FOXP1: variants seen among roughly 807,000 people sequenced by gnomAD.
FOXP1 encodes forkhead box protein P1.
A neutral mutation model predicts 98.2 loss-of-function variants in FOXP1; 15 were observed. The ratio of observed to expected loss-of-function variants is 0.15; its 90% CI spans 0.10 to 0.24. The LOEUF is 0.24. Ranked by LOEUF, FOXP1 falls within the 10% of genes least tolerant of loss-of-function variation. FOXP1 has a pLI of 1.00. For missense variants in FOXP1, 633 were observed against 848.5 expected (o/e 0.75, Z 3.15); for synonymous variants, 371 against 314.5 (o/e 1.18, Z -1.90).
chr3:70,970,030 T>C (rs190402686), intron 19 of FOXP1: 22 of 152,560 alleles, frequency 1.4e-4, no homozygotes, highest in Admixed American at 1.2e-3. Flanking sequence ...TGCTAGAAGC[T>C]GGGCTGCCTC....
intron 11 of FOXP1, among the ~76,000 whole-genome samples, chr3:71,033,362 TA>T (rs2047128252): frequency 6.6e-6 from 1 of 152,006 alleles, no homozygotes; most frequent in Admixed American, 6.6e-5. Flanking sequence ...AACATCCTAA[TA>T]AAAAAATTCA....
chr3:71,476,369 C>T lies in FOXP1; in HGVS notation c.-168+17057G>A, dbSNP rs1201724646. On this transcript the variant is annotated intron_variant, in intron 3 of 20. Transcript: ENST00000649528. ...CTAGTCTGAGCCATAATTTGGTTAA[C>T]TATTTTCCTTCTGTTGGATATTTCT... Among the ~76,000 whole-genome samples, 3 of 150,136 alleles carry T rather than the reference C, an allele frequency of 2.0e-5. No individual in the cohort carries two copies. The Admixed American group carries it at 2.0e-4, about 10-fold the overall frequency.
intron 7 of FOXP1, among the ~76,000 whole-genome samples, chr3:71,103,310 C>T (rs1217976425): frequency 6.6e-6 from 1 of 152,192 alleles, no homozygotes; most frequent in Non-Finnish European, 1.5e-5. Context: ...TCTCTAATTG[C>T]TTATTTTCAT....
intron 17 of FOXP1, among the ~76,000 whole-genome samples, chr3:70,973,170 G>C (rs971247697): frequency 2.6e-5 from 4 of 152,154 alleles, no homozygotes; most frequent in South Asian, 2.1e-4. Flanking sequence ...GAATTCTAAA[G>C]TGGATTTTAC....
At chr3:71,571,739 G>A (rs780082832) in intron 2 of FOXP1, 5 of 152,196 alleles carry the variant, frequency 3.3e-5, no homozygotes, top group South Asian at 2.1e-4. Flanking sequence ...CTATCCACTC[G>A]AAATGAACAG....
chr3:70,980,254 G>C (rs1355085014), intron 14 of FOXP1, among the ~76,000 whole-genome samples: 1 of 152,194 alleles, frequency 6.6e-6, no homozygotes, highest in Non-Finnish European at 1.5e-5. Context: ...TCCAGGAACA[G>C]TATGTATAAG....
intron 2 of FOXP1, among the ~76,000 whole-genome samples, chr3:71,555,038 G>A (rs2046030505): frequency 6.6e-6 from 1 of 152,140 alleles, no homozygotes; most frequent in Admixed American, 6.5e-5. Context: ...TAAGCTCATA[G>A]CTGCCAAAAT....
chr3:71,250,879 C>A lies in FOXP1; in HGVS notation c.-12+48941G>T, dbSNP rs147970789. Among the ~76,000 whole-genome samples the A allele has an allele frequency of 2.6e-5, 4 of 151,762 alleles. No homozygotes were observed. The South Asian group carries it at 8.3e-4, about 32-fold the overall frequency. On this transcript the variant is annotated intron_variant, in intron 5 of 20. Transcript: ENST00000649528. ...CCAGGAGGCGGAGGTTGCAGTGAGC[C>A]GAAACTGCGCCACTGCACTCCAGCT... is the stretch of plus-strand genomic sequence containing the variant.
At chr3:70,970,423 G>GTAAT (rs1473483825) in intron 19 of FOXP1, 3 of 404,390 alleles carry the variant, frequency 7.4e-6, no homozygotes, top group Non-Finnish European at 1.4e-5. Flanking sequence ...CTGTGCTAGA[G>GTAAT]TAATTACACT....
chr3:71,105,209 C>CT (rs370103003), intron 7 of FOXP1, among the ~76,000 whole-genome samples: 12 of 150,942 alleles, frequency 8.0e-5, no homozygotes, highest in Non-Finnish European at 1.5e-4. Context: ...CTTGCGTTTT[C>CT]TTTTTTTTTC....
At chr3:71,517,388 G>A (rs1347151656) in intron 2 of FOXP1, among the ~76,000 whole-genome samples, 1 of 152,184 alleles carries the variant, frequency 6.6e-6, no homozygotes, top group East Asian at 1.9e-4. Context: ...TCTAACCATT[G>A]CCCAGGGGTT....
Position 70,995,267 on chromosome 3 carries a change from T to C in FOXP1, c.1062+5705A>G, listed in dbSNP as rs576266208. 2.0e-5 allele frequency among the ~76,000 whole-genome samples: 3 copies of C among 152,308 alleles called. No homozygotes were observed. The South Asian group carries it at 6.2e-4, about 32-fold the overall frequency. ...CAATATCGCGGAAGCTTCAAGTGTT[T>C]CCTTACAATCCTGGCCATGGCATTT... On this transcript the variant is annotated intron_variant, in intron 13 of 20. Transcript: ENST00000649528.
At chr3:71,311,420 G>A (rs916728501) in intron 4 of FOXP1, among the ~76,000 whole-genome samples, 6 of 152,168 alleles carry the variant, frequency 3.9e-5, no homozygotes, top group South Asian at 2.1e-4. Flanking sequence ...ACAGAGCAGT[G>A]GCTACGCAGG....
intron 5 of FOXP1, among the ~76,000 whole-genome samples, chr3:71,229,158 CCA>C (rs1342381064): frequency 1.3e-5 from 2 of 151,892 alleles, no homozygotes; most frequent in Non-Finnish European, 2.9e-5. Flanking sequence ...AGTTTTTCCC[CCA>C]GTTTTAGCCG....
chr3:71,570,053 A>G (rs765142463), intron 2 of FOXP1, among the ~76,000 whole-genome samples: 9 of 151,906 alleles, frequency 5.9e-5, no homozygotes, highest in Non-Finnish European at 1.3e-4. Flanking sequence ...TTTCAACCCC[A>G]TTCTCTTCAT....
intron 4 of FOXP1, among the ~76,000 whole-genome samples, chr3:71,314,057 T>C (rs1463923410): frequency 2.6e-5 from 4 of 152,180 alleles, no homozygotes; most frequent in African/African-American, 7.2e-5. Flanking sequence ...TTCATTACAG[T>C]GCATTATTTG....
At chr3:71,252,010 G>T (rs1277637181) in intron 5 of FOXP1, among the ~76,000 whole-genome samples, 1 of 152,206 alleles carries the variant, frequency 6.6e-6, no homozygotes, top group Non-Finnish European at 1.5e-5. Context: ...TTTCTCTGCA[G>T]TTAGGGATGG....
intron 7 of FOXP1, among the ~76,000 whole-genome samples, chr3:71,071,762 C>T (rs781674569): frequency 3.3e-5 from 5 of 151,964 alleles, no homozygotes; most frequent in South Asian, 2.1e-4. Context: ...TTAGTAGAGA[C>T]GGTGTTTCAC....
At chr3:71,382,283 AAGGTGGGG>A (rs1203735733) in intron 3 of FOXP1, among the ~76,000 whole-genome samples, 1 of 152,066 alleles carries the variant, frequency 6.6e-6, no homozygotes. Context: ...AACAAGAAAA[AAGGTGGGG>A]AGGAAAAAAA....
Sources: allele counts gnomAD v4.1 joint callset (sites outside exome capture counted in the v4.1 genomes callset), GRCh38; gene constraint gnomAD v4.1.1; transcripts MANE v1.5; gene names NCBI Gene and HGNC (gene_info 2026-07-23, HGNC 2026-07-21).